The following OAS3 variants were observed in gnomAD, a reference collection of about 807,000 sequenced individuals.
OAS3 encodes 2'-5'-oligoadenylate synthase 3.
OAS3 carries 107 observed loss-of-function variants against 113.0 expected under a neutral mutation model. The ratio of observed to expected loss-of-function variants is 0.95; its 90% CI spans 0.81 to 1.11. OAS3 has a LOEUF of 1.11. Among genes scored for constraint, OAS3 ranks in the 50% most tolerant of loss-of-function variants. The pLI is 0.00. For missense variants in OAS3, 1,258 were observed against 1,389.1 expected (o/e 0.91, Z 1.50); for synonymous variants, 552 against 573.6 (o/e 0.96, Z 0.54).
At position 112,970,609 on chromosome 12, in the gene OAS3, C is replaced by T. The variant is rs2043975944; in HGVS notation, c.*636C>T. The T allele has an allele frequency of 6.4e-6, 1 of 156,168 alleles. No homozygotes were observed. Among genetic ancestry groups the T allele is most frequent in the Admixed American group, 6.2e-5 (1 of 16,198 alleles). The allele number at this position is 156,168 out of a possible 1,614,324, so 9.7% of individuals were successfully genotyped here. On this transcript the variant is annotated 3_prime_UTR_variant, in exon 16 of 16. Transcript: ENST00000228928. The stretch of plus-strand genomic sequence containing the variant: ...CCATGATTGATTAGCAATGTCTGCA[C>T]TGGATACGGAAAAAAGAAGGTGCTT...
intron 12 of OAS3, among the ~76,000 whole-genome samples, chr12:112,966,313 C>T (rs780785795): frequency 6.6e-5 from 10 of 152,192 alleles, no homozygotes; most frequent in Non-Finnish European, 1.2e-4. Context: ...GGGACTTCCC[C>T]GTCCTGAGCC....
Position 112,961,843 on chromosome 12 carries a change from T to C in OAS3, c.1833+597T>C, listed in dbSNP as rs189456063. On this transcript the variant is annotated intron_variant, in intron 8 of 15. Transcript: ENST00000228928. ...AAGTGTCTCCCTTTGTCATCCAGGC[T>C]GGAGTGCTGTGGCACAATTACAGCT... Among the ~76,000 whole-genome samples, 51 of 152,144 alleles carry C rather than the reference T, an allele frequency of 3.4e-4. 1 individual carries two copies. The highest frequency in any genetic ancestry group is 1.3e-4 in the Non-Finnish European group (9 of 68,002).
In OAS3 at chr12:112,941,645, A is replaced by T. The variant is rs766628032; in HGVS notation, c.253A>T (p.Lys85Ter). 2 of 1,614,032 alleles carry T rather than the reference A, an allele frequency of 1.2e-6. No individual in the cohort carries two copies. Among genetic ancestry groups the T allele is most frequent in the South Asian group, 2.2e-5 (2 of 91,084 alleles). ...ACTTGTCATCTTCCTCGACTGCTTCAAGAGCTATGTGGACCAGAGGGCCCG... is the reference window on the plus strand; with the variant it reads ...ACTTGTCATCTTCCTCGACTGCTTCTAGAGCTATGTGGACCAGAGGGCCCG... ...SELVIFLDCF[K>*]SYVDQRARRA... Residue 85 changes from lysine (K) to a stop codon, truncating the protein, a stop_gained, in exon 2 of 16, where the codon AAG becomes TAG. Transcript: ENST00000228928. LOFTEE classifies it high-confidence loss of function.
Position 112,964,218 on chromosome 12 carries a change from C to G in OAS3, c.2230-17C>G, listed in dbSNP as rs750336367. On this transcript the variant is annotated splice_polypyrimidine_tract_variant and intron_variant, in intron 10 of 15. Transcript: ENST00000228928. ...GAGTCCCGTCTCAAGCTGGCCCCAC[C>G]TGGATTCTCTCTGCAGCCAGCCCTC... 1.1e-5 allele frequency: 18 copies of G among 1,569,148 alleles called. No individual in the cohort carries two copies. The South Asian group carries it at 2.1e-4, about 18-fold the overall frequency.
chr12:112,965,034 G>A (rs756740177), intron 11 of OAS3, among the ~76,000 whole-genome samples: 1 of 152,190 alleles, frequency 6.6e-6, no homozygotes, highest in Non-Finnish European at 1.5e-5. Flanking sequence ...AGAACACCAG[G>A]ATGCTGATCC....
chr12:112,970,480 T>A lies in OAS3; in HGVS notation c.*507T>A, dbSNP rs2043975068. The A allele has an allele frequency of 5.9e-6, 1 of 170,654 alleles. No individual in the cohort carries two copies. The highest frequency in any genetic ancestry group is 1.3e-5 in the Non-Finnish European group (1 of 79,036). The allele number at this position is 170,654 out of a possible 1,614,324, so 10.6% of individuals were successfully genotyped here. On this transcript the variant is annotated 3_prime_UTR_variant, in exon 16 of 16. Transcript: ENST00000228928. ...TTGGTACTGGCTACCTGGAGCCTTATCTTCTGAAGGGTTTTAAAGAATGGC... is the reference window on the plus strand; with the variant it reads ...TTGGTACTGGCTACCTGGAGCCTTAACTTCTGAAGGGTTTTAAAGAATGGC...
chr12:112,949,175 C>A lies in OAS3; in HGVS notation c.1344C>A (p.Asn448Lys), dbSNP rs1565976652. 1.2e-6 allele frequency: 2 copies of A among 1,613,040 alleles called. No individual in the cohort carries two copies. Among genetic ancestry groups the A allele is most frequent in the East Asian group, 2.2e-5 (1 of 44,858 alleles). ...IDIILRCLHE[N>K]CVHKASRVSK... is the part of the protein sequence containing the mutation. ...TCATCTTGCGCTGCCTCCATGAGAA[C>A]TGTGTTCACAAGGCCTCAAGAGTCA... Residue 448 changes from asparagine (N) to lysine (K), a missense_variant, in exon 6 of 16, where the codon AAC becomes AAA. Physicochemically the swap from Asn to Lys is moderately conservative, Grantham distance 94. Transcript: ENST00000228928.
At chr12:112,959,646 A>G (rs577793870) in intron 7 of OAS3, among the ~76,000 whole-genome samples, 154 of 152,212 alleles carry the variant, frequency 1.0e-3, no homozygotes, top group South Asian at 1.9e-3. Flanking sequence ...AACTCCTGTT[A>G]GATGGTTTCT....
intron 7 of OAS3, among the ~76,000 whole-genome samples, chr12:112,953,470 C>G (rs1201226470): frequency 3.3e-5 from 5 of 152,212 alleles, no homozygotes; most frequent in African/African-American, 9.6e-5. Context: ...GTCTTTCTAG[C>G]AGCATGATTT....
rs754083441 is a variant in OAS3, at chr12:112,969,764, T to C, written c.3252+9T>C. The C allele has an allele frequency of 6.2e-7, 1 of 1,611,068 alleles. No homozygotes were observed. The highest frequency in any genetic ancestry group is 8.5e-7 in the Non-Finnish European group (1 of 1,178,400). On this transcript the variant is annotated intron_variant, in intron 15 of 15. Transcript: ENST00000228928. ...AGCCATGGCCAGTGAAGGTGAGAGA[T>C]CTGTGGTGCCAAAGGAAGTACCCTT...
In OAS3 at chr12:112,942,765, C is replaced by T. The variant is rs550755805; in HGVS notation, c.460+913C>T. Among the ~76,000 whole-genome samples, 194 of 149,356 alleles carry T rather than the reference C, an allele frequency of 1.3e-3. 1 individual carries two copies. Among genetic ancestry groups the T allele is most frequent in the African/African-American group, 4.1e-3 (168 of 40,832 alleles). ...GTGATAAGGGTTGTAAGAGTGTTTA[C>T]TATTATTATTATTTCTATTATTGTT... On this transcript the variant is annotated intron_variant, in intron 2 of 15. Coordinates refer to ENST00000228928, the MANE Select transcript of OAS3 (RefSeq NM_006187.4).
intron 7 of OAS3, among the ~76,000 whole-genome samples, chr12:112,956,455 C>T (rs1031297963): frequency 6.6e-6 from 1 of 152,170 alleles, no homozygotes; most frequent in Non-Finnish European, 1.5e-5. Flanking sequence ...ATCTTTCTTG[C>T]TTTCTCCTGT....
In OAS3 at chr12:112,948,937, G is replaced by T. The variant is rs201999183; in HGVS notation, c.1106G>T (p.Ser369Ile). ...LDPNQKTPEN[S>I]KSLNAVYPRA... The stretch of plus-strand genomic sequence containing the variant: ...CCTAACCAGAAGACCCCTGAAAACA[G>T]CAAGAGCCTCAATGCTGTGTACCCA... The change falls in exon 6 of 16, where the codon AGC becomes ATC. Residue 369 changes from serine (S) to isoleucine (I), a missense_variant. Ser to Ile is a moderately radical substitution (Grantham distance 142). Coordinates refer to ENST00000228928, the MANE Select transcript of OAS3 (RefSeq NM_006187.4). 9.3e-4 allele frequency: 1,507 copies of T among 1,612,400 alleles called. 2 individuals carry two copies. The highest frequency in any genetic ancestry group is 1.1e-3 in the Non-Finnish European group (1,346 of 1,179,256).
At chr12:112,944,749 TTC>T (rs2043712434) in intron 3 of OAS3, 98 bp downstream of exon 3, 2 of 1,280,706 alleles carry the variant, frequency 1.6e-6, no homozygotes, top group Non-Finnish European at 2.2e-6. Flanking sequence ...GCCATTCATG[TTC>T]TCTCTCTGGG....
chr12:112,966,921 G>A (rs2043939301), intron 12 of OAS3, among the ~76,000 whole-genome samples: 1 of 152,180 alleles, frequency 6.6e-6, no homozygotes, highest in African/African-American at 2.4e-5. Context: ...TGGGATTACA[G>A]ACGTAAGCCA....
intron 7 of OAS3, among the ~76,000 whole-genome samples, chr12:112,952,075 G>A (rs1251887741): frequency 6.6e-6 from 1 of 152,044 alleles, no homozygotes; most frequent in Non-Finnish European, 1.5e-5. Context: ...ATGACTTCTT[G>A]CTCGGATAAT....
At chr12:112,949,310 C>A (rs919043743) in intron 6 of OAS3, 105 bp downstream of exon 6, 4 of 931,038 alleles carry the variant, frequency 4.3e-6, no homozygotes, top group Non-Finnish European at 6.5e-6. Flanking sequence ...GGGAACTGGA[C>A]GGCCCAGGAA....
At position 112,966,006 on chromosome 12, in the gene OAS3, T is replaced by C; in HGVS notation, c.2666T>C (p.Val889Ala). The C allele has an allele frequency of 6.2e-7, 1 of 1,614,054 alleles. No homozygotes were observed. Among genetic ancestry groups the C allele is most frequent in the Non-Finnish European group, 8.5e-7 (1 of 1,179,884 alleles). ...TMLDQSVDFD[V>A]LPAFDALGQL... Reference sequence around the variant, plus strand: ...CTGGACCAGAGTGTGGACTTTGATGTGCTGCCAGCCTTTGACGCCCTAGGT... The same window carrying C: ...CTGGACCAGAGTGTGGACTTTGATGCGCTGCCAGCCTTTGACGCCCTAGGT... The change falls in exon 12 of 16, where the codon GTG (valine) becomes GCG (alanine). Residue 889 changes from valine (V) to alanine (A), a missense_variant. Physicochemically the swap from Val to Ala is moderately conservative, Grantham distance 64 (BLOSUM62 0). Transcript: ENST00000228928.
chr12:112,965,758 C>T lies in OAS3; in HGVS notation c.2418C>T (p.Ala806=). The change falls in exon 12 of 16, where the codon GCC becomes GCT. Residue 806 remains alanine, a synonymous_variant. Coordinates refer to ENST00000228928, the MANE Select transcript of OAS3 (RefSeq NM_006187.4). Reference sequence around the variant, plus strand: ...GTCCTCTCCAGGGTGGCTCTTCAGCCAAAGGCACAGCTCTGCGAGGCCGCT... The same window carrying T: ...GTCCTCTCCAGGGTGGCTCTTCAGCTAAAGGCACAGCTCTGCGAGGCCGCT... ...VIKVVKGGSS[A]KGTALRGRSD... 1.2e-6 allele frequency: 2 copies of T among 1,611,270 alleles called. No homozygotes were observed.
Sources: gnomAD v4.1 joint callset for allele counts (sites outside exome capture counted in the v4.1 genomes callset) on GRCh38, gnomAD v4.1.1 for gene constraint, MANE v1.5 for transcripts, NCBI Gene and HGNC (gene_info 2026-07-23, HGNC 2026-07-21) for gene names.